NUDT3: variants seen among roughly 807,000 people sequenced by gnomAD.
NUDT3 encodes diphosphoinositol polyphosphate phosphohydrolase 1.
Under a neutral mutation model 23.6 loss-of-function variants are expected in NUDT3, and 9 were observed. The observed-to-expected ratio is 0.38, with a 90% confidence interval of 0.23 to 0.66. The LOEUF is 0.66. NUDT3 is among the 30% of genes least tolerant of loss of function. The probability of loss-of-function intolerance (pLI) is 0.52; values close to 1 mark genes in which losing one functional copy is unlikely to be tolerated. For missense variants in NUDT3, 172 were observed against 218.5 expected, an observed-to-expected ratio of 0.79 and a Z score of 1.34; for synonymous variants, 86 against 82.6, an observed-to-expected ratio of 1.04 and a Z score of -0.22.
chr6:34,358,394 G>GT (rs896006409), intron 1 of NUDT3, among the ~76,000 whole-genome samples: 18 of 151,996 alleles, frequency 1.2e-4, no homozygotes, highest in African/African-American at 4.1e-4. Flanking sequence ...ACTTTTTCAA[G>GT]TTTTTTCAAT....
intron 2 of NUDT3, among the ~76,000 whole-genome samples, chr6:34,307,502 G>A (rs1763700004): frequency 6.6e-6 from 1 of 152,120 alleles, no homozygotes; most frequent in South Asian, 2.1e-4. Context: ...CTTGAGCCCA[G>A]GAGGTTGAGC....
intron 1 of NUDT3, among the ~76,000 whole-genome samples, chr6:34,391,385 G>A (rs1765196335): frequency 6.6e-6 from 1 of 152,130 alleles, no homozygotes; most frequent in African/African-American, 2.4e-5. Flanking sequence ...CTACTCTTTT[G>A]TGGATTTACA....
intron 2 of NUDT3, among the ~76,000 whole-genome samples, chr6:34,307,894 G>GGATC (rs1357128674): frequency 6.6e-6 from 1 of 151,724 alleles, no homozygotes; most frequent in Non-Finnish European, 1.5e-5. Flanking sequence ...TGAGGCAGAT[G>GGATC]GATCACTTGA....
At chr6:34,315,303 G>T (rs927946990) in intron 2 of NUDT3, among the ~76,000 whole-genome samples, 2 of 152,154 alleles carry the variant, frequency 1.3e-5, no homozygotes, top group East Asian at 1.9e-4. Flanking sequence ...AGTTTGAAAT[G>T]ACAAAAAAAT....
chr6:34,384,438 C>T (rs913834395), intron 1 of NUDT3, among the ~76,000 whole-genome samples: 2 of 152,192 alleles, frequency 1.3e-5, no homozygotes, highest in African/African-American at 4.8e-5. Flanking sequence ...TTAGGAGCAG[C>T]TTTAACTTTC....
intron 1 of NUDT3, among the ~76,000 whole-genome samples, chr6:34,367,219 C>A (rs142612615): frequency 6.6e-6 from 1 of 151,908 alleles, no homozygotes. Flanking sequence ...CAGTGGCTCA[C>A]GCCTGTAATA....
At chr6:34,390,404 T>C (rs2113775136) in intron 1 of NUDT3, among the ~76,000 whole-genome samples, 1 of 152,164 alleles carries the variant, frequency 6.6e-6, no homozygotes, top group African/African-American at 2.4e-5. Context: ...TCAACATTAA[T>C]GTTGCTAATG....
At chr6:34,366,473 A>AAGGAAGGGAGGGAGGG (rs1222360899) in intron 1 of NUDT3, among the ~76,000 whole-genome samples, 11 of 29,812 alleles carry the variant, frequency 3.7e-4, no homozygotes, top group African/African-American at 1.5e-3. Flanking sequence ...AGAGAGAGGG[A>AAGGAAGGGAGGGAGGG]AGGGAGGGAG....
At chr6:34,353,586 T>C (rs930372640) in intron 1 of NUDT3, among the ~76,000 whole-genome samples, 2 of 152,130 alleles carry the variant, frequency 1.3e-5, no homozygotes, top group South Asian at 4.1e-4. Context: ...ATTTTTTTGG[T>C]AGAGACAGGG....
At chr6:34,296,721 C>T (rs1169845226) in intron 2 of NUDT3, among the ~76,000 whole-genome samples, 1 of 152,130 alleles carries the variant, frequency 6.6e-6, no homozygotes, top group Non-Finnish European at 1.5e-5. Flanking sequence ...GGCTAGAACG[C>T]AAGATCCCAT....
intron 1 of NUDT3, among the ~76,000 whole-genome samples, chr6:34,355,371 T>C (rs1764546008): frequency 6.6e-6 from 1 of 152,142 alleles, no homozygotes; most frequent in Non-Finnish European, 1.5e-5. Context: ...ATTTTTGGAA[T>C]AAATCACAGT....
At chr6:34,361,207 G>A (rs1764645920) in intron 1 of NUDT3, among the ~76,000 whole-genome samples, 1 of 152,194 alleles carries the variant, frequency 6.6e-6, no homozygotes, top group South Asian at 2.1e-4. Flanking sequence ...GGGTGACAGA[G>A]TGAGACCCTG....
intron 2 of NUDT3, among the ~76,000 whole-genome samples, chr6:34,323,502 C>T (rs1432651290): frequency 3.3e-5 from 5 of 151,728 alleles, no homozygotes; most frequent in African/African-American, 1.2e-4. Context: ...GGGCGGTAGA[C>T]GTGACAGTAA....
chr6:34,312,869 G>A (rs73403918), intron 2 of NUDT3, among the ~76,000 whole-genome samples: 10 of 152,088 alleles, frequency 6.6e-5, no homozygotes, highest in Non-Finnish European at 4.4e-5. Context: ...AGTTATGTAT[G>A]TAAGGACATG....
chr6:34,326,949 A>ATCTC (rs1561908038), intron 2 of NUDT3, among the ~76,000 whole-genome samples: 2 of 151,958 alleles, frequency 1.3e-5, no homozygotes, highest in African/African-American at 2.4e-5. Context: ...CGAGAGAGAG[A>ATCTC]TCGTACGAAA....
intron 1 of NUDT3, among the ~76,000 whole-genome samples, chr6:34,389,670 T>C (rs1377668158): frequency 6.6e-6 from 1 of 151,584 alleles, no homozygotes; most frequent in Non-Finnish European, 1.5e-5. Flanking sequence ...AATAAATAAA[T>C]AAATAAATAA....
intron 1 of NUDT3, among the ~76,000 whole-genome samples, chr6:34,359,296 C>G (rs575350418): frequency 2.6e-5 from 4 of 152,130 alleles, no homozygotes; most frequent in Non-Finnish European, 5.9e-5. Flanking sequence ...TTGCTTGAAC[C>G]TGGGAGGTGG....
At position 34,356,138 on chromosome 6, in the gene NUDT3, A is replaced by G. The variant is rs560853046; in HGVS notation, c.100-14166T>C. On this transcript the variant is annotated intron_variant, in intron 1 of 4. Coordinates refer to ENST00000607016, the MANE Select transcript of NUDT3 (RefSeq NM_006703.4). ...GGAACCAGATACTTAACAATGTAAG[A>G]AGGCCCTGGAAAGAAAGGATAAATG... 2.6e-5 allele frequency among the ~76,000 whole-genome samples: 4 copies of G among 152,292 alleles called. No individual in the cohort carries two copies. The South Asian group carries it at 8.3e-4, about 32-fold the overall frequency.
At chr6:34,350,735 T>A (rs1764454737) in intron 1 of NUDT3, among the ~76,000 whole-genome samples, 1 of 150,694 alleles carries the variant, frequency 6.6e-6, no homozygotes, top group Non-Finnish European at 1.5e-5. Flanking sequence ...AAAAAAATGC[T>A]AAAAGGAGGA....
Sources: gnomAD v4.1 joint callset for allele counts (sites outside exome capture counted in the v4.1 genomes callset) on GRCh38, gnomAD v4.1.1 for gene constraint, MANE v1.5 for transcripts, NCBI Gene and HGNC (gene_info 2026-07-23, HGNC 2026-07-21) for gene names.